MAP3K8: variants seen among roughly 807,000 people sequenced by gnomAD.
The protein encoded by MAP3K8 is Ewing sarcoma transformant.
MAP3K8 carries 22 observed loss-of-function variants against 45.8 expected under a neutral mutation model. The ratio of observed to expected loss-of-function variants is 0.48; its 90% CI spans 0.34 to 0.69. The LOEUF (loss-of-function observed/expected upper bound fraction) is 0.69, where lower values mean the gene tolerates loss of function less well. Among genes scored for constraint, MAP3K8 ranks in the 30% least tolerant of loss-of-function variants. MAP3K8 has a pLI of 0.01. For missense variants in MAP3K8, 419 were observed against 585.0 expected, an observed-to-expected ratio of 0.72 and a Z score of 2.93; for synonymous variants, 223 against 214.3, an observed-to-expected ratio of 1.04 and a Z score of -0.36.
Position 30,459,348 on chromosome 10 carries a change from A to T in MAP3K8, c.1120A>T (p.Asn374Tyr). 6.2e-7 allele frequency: 1 copy of T among 1,614,152 alleles called. No homozygotes were observed. ...AGAAGCTTCCCTGGAGAGAAACCCCAATCACCGCCCAAGAGCCGCAGACCT... is the reference window on the plus strand; with the variant it reads ...AGAAGCTTCCCTGGAGAGAAACCCCTATCACCGCCCAAGAGCCGCAGACCT... ...LIEASLERNP[N>Y]HRPRAADLLK... The change falls in exon 8 of 9, where the codon AAT becomes TAT. Residue 374 changes from asparagine (N) to tyrosine (Y), a missense_variant. By Grantham distance (143) the Asn-to-Tyr change is moderately radical. Coordinates refer to ENST00000263056, the MANE Select transcript of MAP3K8 (RefSeq NM_005204.4).
Position 30,460,846 on chromosome 10 carries a change from T to C in MAP3K8, c.*10T>C. On this transcript the variant is annotated 3_prime_UTR_variant, in exon 9 of 9. Transcript: ENST00000263056. Reference sequence around the variant, plus strand: ...GCTTGAATATGGCTGAAGGATGCCATGTTTGCTCTAAATTAAGACAGCATT... The same window carrying C: ...GCTTGAATATGGCTGAAGGATGCCACGTTTGCTCTAAATTAAGACAGCATT... 6.2e-7 allele frequency: 1 copy of C among 1,613,046 alleles called. No homozygotes were observed. Among genetic ancestry groups the C allele is most frequent in the Non-Finnish European group, 8.5e-7 (1 of 1,179,962 alleles).
chr10:30,455,604 C>G (rs1276965157), intron 6 of MAP3K8, among the ~76,000 whole-genome samples: 2 of 152,168 alleles, frequency 1.3e-5, no homozygotes, highest in Non-Finnish European at 2.9e-5. Flanking sequence ...ACTTTTAGAA[C>G]TTGGTCCTTT....
rs928621 is a variant in MAP3K8 at position 30,438,618 on chromosome 10, A to G, written c.-23-298A>G. Among the ~76,000 whole-genome samples, 772 of 152,276 alleles carry G rather than the reference A, an allele frequency of 5.1e-3. 6 individuals carry two copies. The highest frequency in any genetic ancestry group is 0.018 in the African/African-American group (736 of 41,558). ...TCTGAGCTGCTCTTGATTCGTGTGTATGTTTAGTGAAAGTTTGTTTTCAGT... is the reference window on the plus strand; with the variant it reads ...TCTGAGCTGCTCTTGATTCGTGTGTGTGTTTAGTGAAAGTTTGTTTTCAGT... On this transcript the variant is annotated intron_variant, in intron 2 of 8. Transcript: ENST00000263056.
intron 4 of MAP3K8, among the ~76,000 whole-genome samples, chr10:30,449,519 TTTAA>T (rs1169226312): frequency 3.9e-5 from 6 of 152,244 alleles, no homozygotes; most frequent in Non-Finnish European, 5.9e-5. Flanking sequence ...TCTGTTTTAC[TTTAA>T]TTAAATTTTC....
intron 1 of MAP3K8, among the ~76,000 whole-genome samples, chr10:30,435,531 C>T (rs1835883536): frequency 6.6e-6 from 1 of 151,972 alleles, no homozygotes; most frequent in African/African-American, 2.4e-5. Context: ...TTTTGGCACA[C>T]ATATGTATAT....
intron 6 of MAP3K8, among the ~76,000 whole-genome samples, chr10:30,456,128 G>A (rs1836721393): frequency 6.6e-6 from 1 of 152,210 alleles, no homozygotes; most frequent in Non-Finnish European, 1.5e-5. Flanking sequence ...AGGGGGTACA[G>A]GAGAGAAGAT....
intron 3 of MAP3K8, 185 bp downstream of exon 3, chr10:30,439,459 C>A (rs1207662697): frequency 1.7e-6 from 2 of 1,185,800 alleles, no homozygotes; most frequent in Non-Finnish European, 2.3e-6. Flanking sequence ...ATTAAAATTT[C>A]TATTTAAAGA....
At chr10:30,449,961 T>C (rs1836480218) in intron 4 of MAP3K8, among the ~76,000 whole-genome samples, 1 of 152,222 alleles carries the variant, frequency 6.6e-6, no homozygotes, top group Non-Finnish European at 1.5e-5. Context: ...ATTATCTCTT[T>C]TTTGATTCAT....
chr10:30,456,088 C>T (rs576310802), intron 6 of MAP3K8, among the ~76,000 whole-genome samples: 2 of 152,296 alleles, frequency 1.3e-5, no homozygotes, highest in African/African-American at 2.4e-5. Flanking sequence ...GTGGGCACTC[C>T]GCCCAATCCT....
intron 5 of MAP3K8, among the ~76,000 whole-genome samples, chr10:30,451,100 A>C (rs1394072782): frequency 6.6e-6 from 1 of 152,052 alleles, no homozygotes; most frequent in Admixed American, 6.6e-5. Context: ...TCTCAAAAAA[A>C]AAAAAAAAAA....
chr10:30,451,793 G>A (rs1471108707), intron 6 of MAP3K8, 49 bp downstream of exon 6: 3 of 1,031,184 alleles, frequency 2.9e-6, no homozygotes, highest in Admixed American at 2.3e-5. Context: ...AGAATAAAAA[G>A]GAAAAAATGT....
intron 2 of MAP3K8, among the ~76,000 whole-genome samples, chr10:30,437,646 G>GT (rs1835957409): frequency 6.6e-6 from 1 of 152,210 alleles, no homozygotes; most frequent in Admixed American, 6.5e-5. Flanking sequence ...ACACTAAATT[G>GT]CATGGTTCTT....
chr10:30,438,799 C>T (rs139261650), intron 2 of MAP3K8, 117 bp from the exon 3 acceptor site: 18 of 622,314 alleles, frequency 2.9e-5, no homozygotes, highest in East Asian at 5.5e-5. Flanking sequence ...ACAGAACCCT[C>T]GTTTTCTGAA....
chr10:30,452,866 T>C (rs1444887874), intron 6 of MAP3K8, among the ~76,000 whole-genome samples: 1 of 150,960 alleles, frequency 6.6e-6, no homozygotes, highest in Non-Finnish European at 1.5e-5. Context: ...TCAGTAGAGA[T>C]GCAGGTTTCA....
intron 1 of MAP3K8, among the ~76,000 whole-genome samples, chr10:30,435,167 C>G (rs966111637): frequency 6.6e-6 from 1 of 152,184 alleles, no homozygotes; most frequent in Non-Finnish European, 1.5e-5. Flanking sequence ...CGATGCTTGT[C>G]TATTTCACTT....
Position 30,437,234 on chromosome 10 carries a change from A to G in MAP3K8, c.-196A>G. 1 of 985,310 alleles carries G rather than the reference A, an allele frequency of 1.0e-6. No individual in the cohort carries two copies. The highest frequency in any genetic ancestry group is 1.7e-5 in the African/African-American group (1 of 57,330). 61.0% of individuals were successfully genotyped at this position (985,310 alleles called of 1,614,324 possible). A position where few individuals can be genotyped will look rare whatever the true frequency, so the allele number is the denominator to read the frequency against. On this transcript the variant is annotated 5_prime_UTR_variant, in exon 2 of 9. Coordinates refer to ENST00000263056, the MANE Select transcript of MAP3K8 (RefSeq NM_005204.4). ...ATAGGTAGCCACATCTTGTTTGCAG[A>G]TAAGAAAGGAAGCTAACGCAGTATC...
intron 6 of MAP3K8, among the ~76,000 whole-genome samples, chr10:30,452,917 G>C (rs1043479135): frequency 6.6e-6 from 1 of 151,562 alleles, no homozygotes; most frequent in Admixed American, 6.6e-5. Context: ...GGCCTCAAGT[G>C]ATCCTCCCAC....
At position 30,437,196 on chromosome 10, in the gene MAP3K8, A is replaced by G; in HGVS notation, c.-234A>G. ...TTTAGATGCAATCTTCTTACCGCGA[A>G]GAAGCCAGGGGAATAGGTAGCCACA... On this transcript the variant is annotated 5_prime_UTR_variant, in exon 2 of 9. Transcript: ENST00000263056. The G allele has an allele frequency of 1.0e-6, 1 of 985,390 alleles. No individual in the cohort carries two copies. Among genetic ancestry groups the G allele is most frequent in the Non-Finnish European group, 1.2e-6 (1 of 829,916 alleles). The allele number at this position is 985,390 out of a possible 1,614,324, so 61.0% of individuals were successfully genotyped here. A position where few individuals can be genotyped will look rare whatever the true frequency, so the allele number is the denominator to read the frequency against.
At chr10:30,436,675 T>C (rs1366719264) in intron 1 of MAP3K8, among the ~76,000 whole-genome samples, 1 of 147,370 alleles carries the variant, frequency 6.8e-6, no homozygotes, top group African/African-American at 2.6e-5. Context: ...GAATAAAGAA[T>C]AAAAAGAATA....
Sources: allele counts gnomAD v4.1 joint callset (sites outside exome capture counted in the v4.1 genomes callset), GRCh38; gene constraint gnomAD v4.1.1; transcripts MANE v1.5; gene names NCBI Gene and HGNC (gene_info 2026-07-23, HGNC 2026-07-21).